Variants in HOMER2 observed in about 807,000 individuals in gnomAD.
HOMER2 encodes homer protein homolog 2.
Under a neutral mutation model 47.0 loss-of-function variants are expected in HOMER2, and 27 were observed. That is an observed-to-expected ratio of 0.57 (90% CI 0.42 to 0.79). The LOEUF is 0.79. Ranked by LOEUF, HOMER2 falls within the 30% of genes least tolerant of loss-of-function variation. The pLI is 0.00. For synonymous variants in HOMER2, 161 were observed against 163.8 expected, an observed-to-expected ratio of 0.98 and a Z score of 0.13; for missense variants, 443 against 435.0, an observed-to-expected ratio of 1.02 and a Z score of -0.16.
intron 3 of HOMER2, among the ~76,000 whole-genome samples, chr15:82,873,759 G>A (rs986968292): frequency 6.6e-6 from 1 of 152,234 alleles, no homozygotes; most frequent in African/African-American, 2.4e-5. Context: ...AGGCTTCTAA[G>A]GAAACAGAGT....
intron 2 of HOMER2, among the ~76,000 whole-genome samples, chr15:82,878,176 T>G (rs1474006524): frequency 6.6e-6 from 1 of 152,216 alleles, no homozygotes; most frequent in Non-Finnish European, 1.5e-5. Context: ...CCAAGTCTCC[T>G]TGAAAGGCAG....
chr15:82,857,422 CTTTTTTTTTTTTT>C (rs71156058), intron 5 of HOMER2, among the ~76,000 whole-genome samples: 10 of 74,226 alleles, frequency 1.3e-4, no homozygotes, highest in African/African-American at 5.4e-4. Context: ...GATGATACAG[CTTTTTTTTTTTTT>C]TTTTTTTTTT....
chr15:82,892,901 T>G (rs1460890920), intron 1 of HOMER2, 60 bp from the exon 2 acceptor site: 2 of 1,332,088 alleles, frequency 1.5e-6, no homozygotes, highest in Admixed American at 2.4e-5. Flanking sequence ...TAATTTATGA[T>G]TTCTAGGCCA....
At chr15:82,936,093 G>C (rs1457571382) in intron 1 of HOMER2, among the ~76,000 whole-genome samples, 1 of 152,112 alleles carries the variant, frequency 6.6e-6, no homozygotes, top group Non-Finnish European at 1.5e-5. Flanking sequence ...CTGCAATCCT[G>C]CCCTGCTGGT....
intron 1 of HOMER2, among the ~76,000 whole-genome samples, chr15:82,896,588 G>A (rs1200968414): frequency 1.3e-5 from 2 of 152,206 alleles, no homozygotes; most frequent in Non-Finnish European, 1.5e-5. Context: ...TGTGAGGGGA[G>A]GCACAGAGAC....
chr15:82,876,939 TTATC>T (rs1314041934), intron 2 of HOMER2, among the ~76,000 whole-genome samples: 6 of 152,206 alleles, frequency 3.9e-5, no homozygotes, highest in Admixed American at 2.0e-4. Context: ...AGATCTACAT[TTATC>T]TATCTATCAG....
At chr15:82,963,067 C>G (rs2054645410) in intron 1 of HOMER2, among the ~76,000 whole-genome samples, 1 of 152,116 alleles carries the variant, frequency 6.6e-6, no homozygotes, top group Non-Finnish European at 1.5e-5. Flanking sequence ...ATCACGAGGT[C>G]AAGAGATTGA....
intron 1 of HOMER2, among the ~76,000 whole-genome samples, chr15:82,914,836 T>C (rs1280469444): frequency 6.6e-6 from 1 of 152,010 alleles, no homozygotes; most frequent in Non-Finnish European, 1.5e-5. Flanking sequence ...GAAGAGCAAC[T>C]GTGAAGAACA....
chr15:82,867,337 A>G (rs990844966), intron 3 of HOMER2, among the ~76,000 whole-genome samples: 1 of 150,270 alleles, frequency 6.7e-6, no homozygotes, highest in Non-Finnish European at 1.5e-5. Flanking sequence ...ACTTCACTAC[A>G]TAATAATTTA....
At chr15:82,862,532 A>C (rs191135204) in intron 4 of HOMER2, among the ~76,000 whole-genome samples, 1 of 152,338 alleles carries the variant, frequency 6.6e-6, no homozygotes, top group African/African-American at 2.4e-5. Context: ...ATATCACTGT[A>C]CTATGCGGTA....
At chr15:82,858,727 T>G (rs534787619) in intron 5 of HOMER2, among the ~76,000 whole-genome samples, 2 of 151,946 alleles carry the variant, frequency 1.3e-5, no homozygotes, top group African/African-American at 4.8e-5. Context: ...TCACACACAC[T>G]CTGACACTAC....
At chr15:82,917,117 A>C (rs2053612541) in intron 1 of HOMER2, among the ~76,000 whole-genome samples, 1 of 151,964 alleles carries the variant, frequency 6.6e-6, no homozygotes, top group Non-Finnish European at 1.5e-5. Flanking sequence ...CTCATTTTAC[A>C]ATTTTTGTTT....
At chr15:82,934,811 G>A (rs12443081) in intron 1 of HOMER2, among the ~76,000 whole-genome samples, 10,589 of 152,234 alleles carry the variant, frequency 0.07, 516 homozygotes, top group Admixed American at 0.13. Context: ...TGCAGTGGCC[G>A]ACAGGCCTGT....
At chr15:82,965,849 C>T (rs1464282974) in intron 1 of HOMER2, among the ~76,000 whole-genome samples, 2 of 151,724 alleles carry the variant, frequency 1.3e-5, no homozygotes, top group African/African-American at 2.4e-5. Flanking sequence ...AATTCCAGCA[C>T]TTTTGGAGGC....
At chr15:82,927,546 A>C (rs887849830) in intron 1 of HOMER2, among the ~76,000 whole-genome samples, 34 of 152,348 alleles carry the variant, frequency 2.2e-4, no homozygotes, top group African/African-American at 7.9e-4. Context: ...ATATTCCATA[A>C]TTGAGTAATT....
intron 4 of HOMER2, among the ~76,000 whole-genome samples, chr15:82,862,447 A>G (rs1287383277): frequency 6.6e-6 from 1 of 152,186 alleles, no homozygotes; most frequent in Non-Finnish European, 1.5e-5. Flanking sequence ...CCCGTCTCAA[A>G]TAAATAAACT....
At chr15:82,864,687 G>C (rs2151635585) in intron 3 of HOMER2, among the ~76,000 whole-genome samples, 1 of 152,290 alleles carries the variant, frequency 6.6e-6, no homozygotes, top group Middle Eastern at 3.4e-3. Context: ...CAATAAAAGA[G>C]ATGAAGAAAT....
chr15:82,882,211 A>G (rs1279385567), intron 2 of HOMER2, among the ~76,000 whole-genome samples: 1 of 150,822 alleles, frequency 6.6e-6, no homozygotes, highest in Admixed American at 6.6e-5. Context: ...GGACAACCCA[A>G]GGTTTGGGTC....
intron 1 of HOMER2, among the ~76,000 whole-genome samples, chr15:82,934,195 C>T (rs979804442): frequency 3.3e-5 from 5 of 152,188 alleles, no homozygotes; most frequent in Non-Finnish European, 7.4e-5. Context: ...TGCAGTCCCT[C>T]TGTGCCCTGG....
Sources: allele counts gnomAD v4.1 joint callset (sites outside exome capture counted in the v4.1 genomes callset), GRCh38; gene constraint gnomAD v4.1.1; transcripts MANE v1.5; gene names NCBI Gene and HGNC (gene_info 2026-07-23, HGNC 2026-07-21).